The following LYPD6B variants were observed in gnomAD, a reference collection of about 807,000 sequenced individuals.
LYPD6B encodes the protein LY6/PLAUR domain containing 6B, also known as ly6/PLAUR domain-containing protein 6B.
Under a neutral mutation model 22.8 loss-of-function variants are expected in LYPD6B, and 17 were observed. The ratio of observed to expected loss-of-function variants is 0.75; its 90% CI spans 0.51 to 1.12. LYPD6B has a LOEUF of 1.12. Ranked by LOEUF, LYPD6B falls within the 50% of genes most tolerant of loss-of-function variation. The pLI, the probability that LYPD6B is intolerant of heterozygous loss-of-function variation, is 0.00. For missense variants in LYPD6B, 221 were observed against 258.3 expected, an observed-to-expected ratio of 0.86 and a Z score of 0.99; for synonymous variants, 106 against 91.6, an observed-to-expected ratio of 1.16 and a Z score of -0.90.
intron 2 of LYPD6B, among the ~76,000 whole-genome samples, chr2:149,135,986 C>T (rs1169570057): frequency 6.6e-6 from 1 of 152,070 alleles, no homozygotes; most frequent in Non-Finnish European, 1.5e-5. Flanking sequence ...GTCATCGCTA[C>T]CTGCTAATTC....
rs1559080485 is a variant in LYPD6B, at chr2:149,208,385, T to C, written c.301T>C (p.Trp101Arg). 6.2e-7 allele frequency: 1 copy of C among 1,613,700 alleles called. No individual in the cohort carries two copies. The highest frequency in any genetic ancestry group is 2.2e-5 in the East Asian group (1 of 44,862). The change falls in exon 5 of 7, where the codon TGG becomes CGG. Residue 101 changes from tryptophan to arginine, a missense_variant. By Grantham distance (101) the Trp-to-Arg change is moderately radical (BLOSUM62 -3). Coordinates refer to ENST00000409642, the MANE Select transcript of LYPD6B (RefSeq NM_177964.5). ...NAGDNYNCNR[W>R]AEDKWCPQNT... ...AGGGGATAATTATAACTGCAATCGA[T>C]GGGCAGAAGACAAATGGTGTCCACA...
intron 6 of LYPD6B, 116 bp from the exon 7 acceptor site, chr2:149,214,430 A>C (rs1414942321): frequency 1.1e-5 from 12 of 1,075,892 alleles, no homozygotes; most frequent in Non-Finnish European, 1.6e-5. Flanking sequence ...TGGATAACCA[A>C]CTCCAATTGT....
rs1303031114 is a variant in LYPD6B at position 149,202,387 on chromosome 2, G to A, written c.78-2866G>A. The stretch of plus-strand genomic sequence containing the variant: ...GGCTGCTTTTTTTGAGTTCCCCCAT[G>A]AGGCAAGCTTCTTCCCATCTTAGGA... On this transcript the variant is annotated intron_variant, in intron 3 of 6. Coordinates refer to ENST00000409642, the MANE Select transcript of LYPD6B (RefSeq NM_177964.5). Among the ~76,000 whole-genome samples the A allele has an allele frequency of 7.2e-5, 11 of 152,174 alleles. No homozygotes were observed. In the East Asian group the frequency reaches 1.5e-3, roughly 21 times the overall value.
At chr2:149,080,444 T>C (rs1252391178) in intron 1 of LYPD6B, among the ~76,000 whole-genome samples, 1 of 152,194 alleles carries the variant, frequency 6.6e-6, no homozygotes, top group Non-Finnish European at 1.5e-5. Context: ...GGGAGCACAA[T>C]TTAATCTATA....
At chr2:149,125,655 C>A (rs147882087) in intron 1 of LYPD6B, among the ~76,000 whole-genome samples, 2 of 152,120 alleles carry the variant, frequency 1.3e-5, no homozygotes, top group Non-Finnish European at 2.9e-5. Context: ...CAGGCATCTT[C>A]GAGTACCTTA....
chr2:149,093,941 C>G (rs1685785783), intron 1 of LYPD6B, among the ~76,000 whole-genome samples: 1 of 152,032 alleles, frequency 6.6e-6, no homozygotes, highest in South Asian at 2.1e-4. Context: ...TCAATTTTGT[C>G]TTTATAATTA....
chr2:149,155,865 T>G (rs1689670211), intron 2 of LYPD6B, among the ~76,000 whole-genome samples: 1 of 152,206 alleles, frequency 6.6e-6, no homozygotes, highest in Admixed American at 6.5e-5. Context: ...CATCAATCAC[T>G]TCTCCTGTGT....
At chr2:149,133,587 C>A (rs1052870955) in intron 2 of LYPD6B, among the ~76,000 whole-genome samples, 1 of 152,182 alleles carries the variant, frequency 6.6e-6, no homozygotes, top group Non-Finnish European at 1.5e-5. Context: ...ACCACTAAGT[C>A]GAAATACATT....
At chr2:149,197,892 A>G (rs1692916912) in intron 3 of LYPD6B, among the ~76,000 whole-genome samples, 1 of 152,120 alleles carries the variant, frequency 6.6e-6, no homozygotes, top group African/African-American at 2.4e-5. Context: ...AAATTATTTC[A>G]CCTGTGTGAA....
At chr2:149,099,292 A>G (rs933439446) in intron 1 of LYPD6B, among the ~76,000 whole-genome samples, 5 of 152,200 alleles carry the variant, frequency 3.3e-5, no homozygotes, top group Non-Finnish European at 7.3e-5. Context: ...TGAGCATCCT[A>G]TATTTTTATT....
intron 1 of LYPD6B, among the ~76,000 whole-genome samples, chr2:149,081,980 T>A (rs1685156941): frequency 6.6e-6 from 1 of 152,166 alleles, no homozygotes; most frequent in Non-Finnish European, 1.5e-5. Flanking sequence ...AAATCCTGTC[T>A]TCTATGTAGG....
intron 3 of LYPD6B, among the ~76,000 whole-genome samples, chr2:149,174,685 T>C (rs753855020): frequency 3.3e-4 from 50 of 152,150 alleles, no homozygotes; most frequent in Non-Finnish European, 6.5e-4. Flanking sequence ...TGAATCGCAT[T>C]AATTGATTTG....
intron 2 of LYPD6B, among the ~76,000 whole-genome samples, chr2:149,135,263 A>C (rs1221803622): frequency 6.6e-6 from 1 of 151,542 alleles, no homozygotes; most frequent in Non-Finnish European, 1.5e-5. Context: ...AAAAAAAAAA[A>C]AAATAGATTA....
intron 3 of LYPD6B, among the ~76,000 whole-genome samples, chr2:149,202,479 G>T (rs72983286): frequency 6.6e-6 from 1 of 151,914 alleles, no homozygotes; most frequent in South Asian, 2.1e-4. Flanking sequence ...TTACCTGTTC[G>T]AATGTCAACT....
In LYPD6B at chr2:149,115,986, C is replaced by A. The variant is rs185832329; in HGVS notation, c.-66-14897C>A. On this transcript the variant is annotated intron_variant, in intron 1 of 6. Coordinates refer to ENST00000409642, the MANE Select transcript of LYPD6B (RefSeq NM_177964.5). ...CCTGTAGGCATCTTGGTTATCAGAT[C>A]TACTGAGACCGTATTGCAGTGCTTG... is the stretch of plus-strand genomic sequence containing the variant. Among the ~76,000 whole-genome samples, 531 of 152,298 alleles carry A rather than the reference C, an allele frequency of 3.5e-3. 5 individuals are homozygous for A. Among genetic ancestry groups the A allele is most frequent in the African/African-American group, 0.012 (503 of 41,554 alleles).
intron 3 of LYPD6B, among the ~76,000 whole-genome samples, chr2:149,197,919 G>C (rs1056847168): frequency 6.6e-6 from 1 of 152,154 alleles, no homozygotes; most frequent in Admixed American, 6.5e-5. Flanking sequence ...TCTCAAATGT[G>C]ATCAACGCAC....
intron 4 of LYPD6B, among the ~76,000 whole-genome samples, chr2:149,208,100 G>A (rs1365146224): frequency 6.6e-6 from 1 of 151,978 alleles, no homozygotes; most frequent in Non-Finnish European, 1.5e-5. Context: ...CTCTATAGTG[G>A]CAATTCTTAG....
rs761641104 is a variant in LYPD6B, at chr2:149,205,308, G to A, written c.133G>A (p.Ala45Thr). 8.1e-6 allele frequency: 13 copies of A among 1,613,806 alleles called. No homozygotes were observed. The highest frequency in any genetic ancestry group is 5.5e-5 in the South Asian group (5 of 91,088). Residue 45 changes from alanine (A) to threonine (T), a missense_variant, in exon 4 of 7, where the codon GCT (alanine) becomes ACT (threonine). Ala to Thr is a moderately conservative substitution (Grantham distance 58). Coordinates refer to ENST00000409642, the MANE Select transcript of LYPD6B (RefSeq NM_177964.5). Reference protein sequence around the residue: ...HKVSMLLLCHALAIAVVQIVI... With the variant: ...HKVSMLLLCHTLAIAVVQIVI... ...GGTCAGCATGCTGCTCCTCTGTCACGCTCTCGCTATAGCTGTTGTCCAGAT... is the reference window on the plus strand; with the variant it reads ...GGTCAGCATGCTGCTCCTCTGTCACACTCTCGCTATAGCTGTTGTCCAGAT...
At chr2:149,165,374 C>T (rs796666274) in intron 3 of LYPD6B, among the ~76,000 whole-genome samples, 1 of 152,258 alleles carries the variant, frequency 6.6e-6, no homozygotes, top group African/African-American at 2.4e-5. Context: ...AAATTTATTG[C>T]AGGCTCTTAA....
Sources: allele counts gnomAD v4.1 joint callset (sites outside exome capture counted in the v4.1 genomes callset), GRCh38; gene constraint gnomAD v4.1.1; transcripts MANE v1.5; gene names NCBI Gene and HGNC (gene_info 2026-07-23, HGNC 2026-07-21).